ANXA10: variants seen among roughly 807,000 people sequenced by gnomAD.
The protein encoded by ANXA10 is annexin A10.
A neutral mutation model predicts 53.5 loss-of-function variants in ANXA10; 49 were observed. The ratio of observed to expected loss-of-function variants is 0.92; its 90% CI spans 0.73 to 1.16. ANXA10 has a LOEUF of 1.16. Among genes scored for constraint, ANXA10 ranks in the 50% most tolerant of loss-of-function variants. ANXA10 has a pLI of 0.00. For synonymous variants in ANXA10, 131 were observed against 128.9 expected (o/e 1.02, Z -0.11); for missense variants, 393 against 394.4 (o/e 1.00, Z 0.03).
chr4:168,138,568 C>A (rs1320948913), intron 2 of ANXA10, among the ~76,000 whole-genome samples: 1 of 152,114 alleles, frequency 6.6e-6, no homozygotes, highest in Non-Finnish European at 1.5e-5. Context: ...ATTGCGTTGG[C>A]TATTCAGGCC....
intron 2 of ANXA10, among the ~76,000 whole-genome samples, chr4:168,134,287 T>C (rs994472689): frequency 1.3e-5 from 2 of 152,130 alleles, no homozygotes; most frequent in Non-Finnish European, 1.5e-5. Flanking sequence ...AGAAATATCA[T>C]GTAAGTGACA....
intron 3 of ANXA10, among the ~76,000 whole-genome samples, chr4:168,153,351 A>G (rs1731529424): frequency 7.0e-6 from 1 of 143,516 alleles, no homozygotes; most frequent in Non-Finnish European, 1.5e-5. Context: ...GGCCTTCCCC[A>G]TCCCTCTTTT....
At chr4:168,181,843 A>G (rs1212958254) in intron 10 of ANXA10, 102 bp downstream of exon 10, 5 of 889,922 alleles carry the variant, frequency 5.6e-6, no homozygotes, top group Non-Finnish European at 8.9e-6. Flanking sequence ...ACCATTTTTG[A>G]ACTTGTATGT....
intron 3 of ANXA10, among the ~76,000 whole-genome samples, chr4:168,141,619 C>G (rs1578912390): frequency 6.6e-6 from 1 of 152,188 alleles, no homozygotes; most frequent in Middle Eastern, 3.4e-3. Flanking sequence ...AAGATAATGG[C>G]CAAGTGACAA....
chr4:168,095,106 A>C (rs751337015), intron 1 of ANXA10, among the ~76,000 whole-genome samples: 9 of 152,084 alleles, frequency 5.9e-5, no homozygotes, highest in Non-Finnish European at 1.0e-4. Context: ...TACTTGCCCA[A>C]GTCAGGATCT....
At chr4:168,181,907 C>T (rs894680688) in intron 10 of ANXA10, among the ~76,000 whole-genome samples, 166 bp downstream of exon 10, 1 of 152,098 alleles carries the variant, frequency 6.6e-6, no homozygotes, top group Non-Finnish European at 1.5e-5. Flanking sequence ...AAAAATAAGA[C>T]ATATCAGATA....
At chr4:168,163,943 T>A (rs1008462412) in intron 4 of ANXA10, among the ~76,000 whole-genome samples, 1 of 152,190 alleles carries the variant, frequency 6.6e-6, no homozygotes, top group African/African-American at 2.4e-5. Flanking sequence ...TTCTCCACAT[T>A]GTTTAGAAAT....
At chr4:168,128,284 CAA>C (rs11353908) in intron 2 of ANXA10, 119 bp downstream of exon 2, 5,262 of 360,312 alleles carry the variant, frequency 0.015, 8 homozygotes, top group Middle Eastern at 0.023. Flanking sequence ...ACAGATTAGA[CAA>C]AAAAAAAAAA....
At chr4:168,136,490 A>C (rs1731239146) in intron 2 of ANXA10, among the ~76,000 whole-genome samples, 2 of 152,228 alleles carry the variant, frequency 1.3e-5, no homozygotes, top group Non-Finnish European at 2.9e-5. Flanking sequence ...AGCCAAAACA[A>C]AGGGACTAGA....
chr4:168,111,690 A>G (rs4692855), intron 1 of ANXA10, among the ~76,000 whole-genome samples: 82,209 of 152,034 alleles, frequency 0.54, 22,689 homozygotes, highest in Non-Finnish European at 0.6. Context: ...TGGAGGTGCT[A>G]TTTAAACTGC....
At chr4:168,144,083 A>C (rs562570193) in intron 3 of ANXA10, among the ~76,000 whole-genome samples, 13 of 152,194 alleles carry the variant, frequency 8.5e-5, no homozygotes, top group Non-Finnish European at 1.8e-4. Flanking sequence ...CCTATCATCT[A>C]ACAGTCTTGG....
chr4:168,134,491 CTA>C (rs1731203139), intron 2 of ANXA10, among the ~76,000 whole-genome samples: 1 of 151,958 alleles, frequency 6.6e-6, no homozygotes, highest in Admixed American at 6.6e-5. Context: ...AAAAGTAAGA[CTA>C]TAATAATTTC....
chr4:168,128,890 G>A (rs932484184), intron 2 of ANXA10, among the ~76,000 whole-genome samples: 10 of 151,598 alleles, frequency 6.6e-5, no homozygotes, highest in Non-Finnish European at 1.5e-5. Context: ...CTAAAGTTTA[G>A]AAAAAGTATA....
intron 1 of ANXA10, among the ~76,000 whole-genome samples, chr4:168,120,368 C>T (rs1421741914): frequency 6.6e-6 from 1 of 151,960 alleles, no homozygotes; most frequent in Admixed American, 6.6e-5. Flanking sequence ...ATTTTCACCT[C>T]AAGTAAAACA....
chr4:168,150,071 C>G (rs148466517), intron 3 of ANXA10, among the ~76,000 whole-genome samples: 1 of 152,152 alleles, frequency 6.6e-6, no homozygotes, highest in African/African-American at 2.4e-5. Flanking sequence ...CCTGCAGGAT[C>G]GTCTCCAAGG....
chr4:168,123,862 G>A (rs111935163), intron 1 of ANXA10, among the ~76,000 whole-genome samples: 5 of 152,136 alleles, frequency 3.3e-5, no homozygotes, highest in African/African-American at 1.2e-4. Flanking sequence ...AGTAAGGGGA[G>A]GTCACAGAGA....
At chr4:168,181,639 T>C (rs780263519) in intron 9 of ANXA10, 44 bp from the exon 10 acceptor site, 2 of 1,458,034 alleles carry the variant, frequency 1.4e-6, no homozygotes, top group Admixed American at 1.7e-5. Context: ...AAAATATATG[T>C]TTTCACTCTC....
intron 1 of ANXA10, among the ~76,000 whole-genome samples, chr4:168,101,514 C>T (rs554562272): frequency 4.3e-5 from 6 of 139,146 alleles, no homozygotes; most frequent in East Asian, 2.1e-4. Context: ...GGGAAGGGGA[C>T]GGGGGGAAGC....
chr4:168,170,497 T>A (rs1026753636), intron 6 of ANXA10, among the ~76,000 whole-genome samples: 1 of 152,204 alleles, frequency 6.6e-6, no homozygotes, highest in African/African-American at 2.4e-5. Context: ...TGGCTCCTAA[T>A]AGGCATAAAG....
Sources: gnomAD v4.1 joint callset for allele counts (sites outside exome capture counted in the v4.1 genomes callset) on GRCh38, gnomAD v4.1.1 for gene constraint, MANE v1.5 for transcripts, NCBI Gene and HGNC (gene_info 2026-07-23, HGNC 2026-07-21) for gene names.